Variants in DSC1 observed in about 807,000 individuals in gnomAD.
The protein encoded by DSC1 is desmocollin-1.
In DSC1, 79 loss-of-function variants were observed where a neutral mutation model predicts 98.8. The observed-to-expected ratio is 0.80, with a 90% CI of 0.67 to 0.96. The LOEUF is 0.96. Ranked by LOEUF, DSC1 falls within the 50% of genes least tolerant of loss-of-function variation. DSC1 has a pLI of 0.00. For missense variants in DSC1, 1,115 were observed against 1,075.9 expected (o/e 1.04, Z -0.51); for synonymous variants, 405 against 372.1 (o/e 1.09, Z -1.02).
Position 31,130,518 on chromosome 18 carries a change from T to C in DSC1, c.2681A>G (p.Lys894Arg). The C allele has an allele frequency of 6.2e-7, 1 of 1,614,082 alleles. No homozygotes were observed. The highest frequency in any genetic ancestry group is 8.5e-7 in the Non-Finnish European group (1 of 1,179,968). Residue 894 changes from lysine (K) to arginine (R), a missense_variant, in exon 16 of 16, where the codon AAA (lysine) becomes AGA (arginine). By Grantham distance (26) the Lys-to-Arg change is conservative. Coordinates refer to ENST00000257198, the MANE Select transcript of DSC1 (RefSeq NM_024421.2). ...FRTLAKTCIKK is the reference protein window; with the variant it reads ...FRTLAKTCIKR ...TTACACTATTAAAAGGCACATTTAT[T>C]TCTTGATGCATGTCTTTGCTAATGT...
rs548671847 is a variant in DSC1 at position 31,141,269 on chromosome 18, G to T, written c.1260+730C>A. 1.4e-3 allele frequency among the ~76,000 whole-genome samples: 210 copies of T among 152,076 alleles called. 2 individuals are homozygous for T. Among genetic ancestry groups the T allele is most frequent in the African/African-American group, 4.7e-3 (194 of 41,490 alleles). ...GAACAAGAAAAGAAAAAGAAATAAA[G>T]AAAGAAAAAGTAGACAGTACAATAA... On this transcript the variant is annotated intron_variant, in intron 9 of 15. Coordinates refer to ENST00000257198, the MANE Select transcript of DSC1 (RefSeq NM_024421.2).
Position 31,134,617 on chromosome 18 carries a change from G to T in DSC1, c.1831C>A (p.Leu611Met). 1 of 1,612,384 alleles carries T rather than the reference G, an allele frequency of 6.2e-7. No individual in the cohort carries two copies. The highest frequency in any genetic ancestry group is 8.5e-7 in the Non-Finnish European group (1 of 1,179,130). Reference sequence around the variant, plus strand: ...CAGTTTTTACTGGCAGAATTATCCAGAAAGAATTGAAAAGGTGGTCCATTT... The same window carrying T: ...CAGTTTTTACTGGCAGAATTATCCATAAAGAATTGAAAAGGTGGTCCATTT... ...PENGPPFQFF[L>M]DNSASKNWNI... Residue 611 changes from leucine to methionine, a missense_variant, in exon 12 of 16, where the codon CTG (leucine) becomes ATG (methionine). Transcript: ENST00000257198.
chr18:31,148,717 G>T, intron 5 of DSC1, 75 bp from the exon 6 acceptor site: 1 of 1,346,272 alleles, frequency 7.4e-7, no homozygotes, highest in Non-Finnish European at 9.8e-7. Flanking sequence ...AGCAGTGGGG[G>T]AAAATGTAAC....
Position 31,154,276 on chromosome 18 carries a change from C to CAAAAAA in DSC1, c.627+492_627+497dup, listed in dbSNP as rs66553394. 2.1e-5 allele frequency among the ~76,000 whole-genome samples: 3 copies of CAAAAAA among 140,008 alleles called. No individual in the cohort carries two copies. In the East Asian group the frequency reaches 6.3e-4, roughly 30 times the overall value. 91.9% of individuals were successfully genotyped at this position (140,008 alleles called of 152,430 possible). On this transcript the variant is annotated intron_variant, in intron 5 of 15. Transcript: ENST00000257198. ...TGAAGAATAGTGAGAGAAAGGGATGCAAAAAAAAAAAAGCTATGTAAGGGG... is the reference window on the plus strand; with the variant it reads ...TGAAGAATAGTGAGAGAAAGGGATGCAAAAAAAAAAAAAAAAAAGCTATGTAAGGGG...
intron 5 of DSC1, among the ~76,000 whole-genome samples, chr18:31,149,918 C>T (rs1598624731): frequency 6.6e-6 from 1 of 152,142 alleles, no homozygotes; most frequent in Non-Finnish European, 1.5e-5. Flanking sequence ...ATTATGGCTT[C>T]CATCAGTCTG....
intron 4 of DSC1, 24 bp from the exon 5 acceptor site, chr18:31,154,953 A>C (rs750774619): frequency 6.2e-7 from 1 of 1,608,042 alleles, no homozygotes; most frequent in South Asian, 1.1e-5. Context: ...TTAGGAATAG[A>C]ACAAATACGT....
At chr18:31,144,010 A>G (rs973499742) in intron 7 of DSC1, among the ~76,000 whole-genome samples, 5 of 152,044 alleles carry the variant, frequency 3.3e-5, no homozygotes, top group African/African-American at 1.2e-4. Context: ...CCCAGGTTCA[A>G]GCAATTCTCC....
chr18:31,134,982 T>G (rs1598614041), intron 11 of DSC1, among the ~76,000 whole-genome samples, 198 bp from the exon 12 acceptor site: 1 of 152,134 alleles, frequency 6.6e-6, no homozygotes, highest in East Asian at 1.9e-4. Flanking sequence ...CTGGATCAGA[T>G]AATTTCTTCA....
At chr18:31,159,043 T>C (rs1467326682) in intron 2 of DSC1, among the ~76,000 whole-genome samples, 2 of 96,044 alleles carry the variant, frequency 2.1e-5, no homozygotes, top group Non-Finnish European at 4.1e-5. Context: ...GTAGCTACTA[T>C]GTGGTTTTTT....
chr18:31,161,803 G>C (rs1352610390), intron 1 of DSC1, among the ~76,000 whole-genome samples: 1 of 152,038 alleles, frequency 6.6e-6, no homozygotes, highest in Non-Finnish European at 1.5e-5. Flanking sequence ...TATTTACATG[G>C]AGAAAATGTT....
In DSC1 at chr18:31,162,659, G is replaced by GTCTTCTTA; in HGVS notation, c.-66_-65insTAAGAAGA. The GTCTTCTTA allele has an allele frequency of 6.8e-7, 1 of 1,478,446 alleles. No homozygotes were observed. Among genetic ancestry groups the GTCTTCTTA allele is most frequent in the Non-Finnish European group, 9.4e-7 (1 of 1,058,856 alleles). The allele number at this position is 1,478,446 out of a possible 1,614,324, so 91.6% of individuals were successfully genotyped here. On this transcript the variant is annotated 5_prime_UTR_variant, in exon 1 of 16. Coordinates refer to ENST00000257198, the MANE Select transcript of DSC1 (RefSeq NM_024421.2). The stretch of plus-strand genomic sequence containing the variant: ...CAGGGCAGCCTGGGATGCACAGAGC[G>GTCTTCTTA]GCTAAGAAGACGCTGGCACTTGCAC...
chr18:31,151,374 A>G (rs1988997653), intron 5 of DSC1, among the ~76,000 whole-genome samples: 1 of 152,220 alleles, frequency 6.6e-6, no homozygotes, highest in African/African-American at 2.4e-5. Flanking sequence ...CATATGATAG[A>G]GTAACTCATT....
At chr18:31,161,396 C>A (rs1989206627) in intron 1 of DSC1, among the ~76,000 whole-genome samples, 1 of 151,450 alleles carries the variant, frequency 6.6e-6, no homozygotes, top group Admixed American at 6.6e-5. Context: ...ATATATGAGA[C>A]ATTCTTATAG....
chr18:31,150,152 A>C (rs1988936379), intron 5 of DSC1, among the ~76,000 whole-genome samples: 1 of 145,890 alleles, frequency 6.9e-6, no homozygotes, highest in Admixed American at 6.9e-5. Flanking sequence ...TATCATCGCA[A>C]TCACCACCAC....
Position 31,134,778 on chromosome 18 carries a change from C to T in DSC1, c.1670G>A (p.Arg557Gln), listed in dbSNP as rs760068759. ...ISVVAVDAVG[R>Q]SCTGTLVVHL... ...AACTACTAATGTTCCAGTGCAAGAT[C>T]GGCCAACTAAGATTAATTAAAAATA... The change falls in exon 12 of 16, where the codon CGA becomes CAA. Residue 557 changes from arginine (R) to glutamine (Q), a missense_variant. By Grantham distance (43) the Arg-to-Gln change is conservative (BLOSUM62 1). Transcript: ENST00000257198. 1.6e-5 allele frequency: 26 copies of T among 1,605,782 alleles called. No homozygotes were observed. The highest frequency in any genetic ancestry group is 2.2e-5 in the East Asian group (1 of 44,682).
intron 1 of DSC1, among the ~76,000 whole-genome samples, chr18:31,161,460 T>G (rs1320561359): frequency 1.3e-5 from 2 of 152,120 alleles, no homozygotes; most frequent in Non-Finnish European, 2.9e-5. Context: ...TGTCCTAGGA[T>G]TCCATGTTGA....
intron 4 of DSC1, among the ~76,000 whole-genome samples, chr18:31,155,195 T>A (rs886189082): frequency 6.6e-6 from 1 of 152,228 alleles, no homozygotes; most frequent in African/African-American, 2.4e-5. Context: ...AATACACTTT[T>A]CAAGTTTTAT....
chr18:31,159,047 G>GTTTTTTGTTTTTT (rs1555646388), intron 2 of DSC1, among the ~76,000 whole-genome samples: 5 of 71,098 alleles, frequency 7.0e-5, no homozygotes, highest in Non-Finnish European at 1.0e-4. Context: ...CTACTATGTG[G>GTTTTTTGTTTTTT]TTTTTTTTTT....
chr18:31,147,086 A>G (rs1050848329), intron 6 of DSC1, among the ~76,000 whole-genome samples: 1 of 152,194 alleles, frequency 6.6e-6, no homozygotes, highest in African/African-American at 2.4e-5. Flanking sequence ...CAAAGTAGTC[A>G]GTCTTGTTAT....
Sources: allele counts gnomAD v4.1 joint callset (sites outside exome capture counted in the v4.1 genomes callset), GRCh38; gene constraint gnomAD v4.1.1; transcripts MANE v1.5; gene names NCBI Gene and HGNC (gene_info 2026-07-23, HGNC 2026-07-21).